The following CPNE4 variants were observed in gnomAD, a reference collection of about 807,000 sequenced individuals.
CPNE4 encodes the protein copine 4, also known as copine-4.
A neutral mutation model predicts 67.9 loss-of-function variants in CPNE4; 25 were observed. The ratio of observed to expected loss-of-function variants is 0.37; its 90% CI spans 0.27 to 0.51. The LOEUF (loss-of-function observed/expected upper bound fraction) is 0.51, where lower values mean the gene tolerates loss of function less well. Ranked by LOEUF, CPNE4 falls within the 20% of genes least tolerant of loss-of-function variation. The pLI is 0.93. For missense variants in CPNE4, 464 were observed against 690.8 expected (o/e 0.67, Z 3.68); for synonymous variants, 242 against 244.9 (o/e 0.99, Z 0.11).
chr3:132,001,484 A>G (rs2073430130), intron 1 of CPNE4, among the ~76,000 whole-genome samples: 1 of 151,398 alleles, frequency 6.6e-6, no homozygotes, highest in African/African-American at 2.4e-5. Flanking sequence ...GCTGTTATGG[A>G]CTGTAAGAAA....
At chr3:131,893,040 T>G (rs59430218) in intron 2 of CPNE4, among the ~76,000 whole-genome samples, 1 of 151,934 alleles carries the variant, frequency 6.6e-6, no homozygotes, top group Non-Finnish European at 1.5e-5. Flanking sequence ...AGTGGCTGAA[T>G]AGGTTAAAAG....
chr3:131,792,708 C>CGTGTATATATACATATACACACGT (rs2083792714), intron 2 of CPNE4, among the ~76,000 whole-genome samples: 1 of 67,224 alleles, frequency 1.5e-5, no homozygotes, highest in African/African-American at 5.9e-5. Flanking sequence ...TATACACACA[C>CGTGTATATATACATATACACACGT]GTGTATATAT....
At chr3:131,550,208 AG>A (rs1468626888) in intron 13 of CPNE4, 128 bp from the exon 14 acceptor site, 1 of 943,620 alleles carries the variant, frequency 1.1e-6, no homozygotes, top group African/African-American at 1.6e-5. Flanking sequence ...TATGTTCTTA[AG>A]ATAAAAAGGA....
intron 7 of CPNE4, among the ~76,000 whole-genome samples, chr3:131,596,797 T>C (rs77731239): frequency 0.021 from 3,192 of 152,238 alleles, 76 homozygotes; most frequent in East Asian, 0.13. Flanking sequence ...ATTTCCAGTC[T>C]GCCCTTCCTG....
intron 3 of CPNE4, among the ~76,000 whole-genome samples, chr3:131,717,871 T>TCCATCCC (rs370808961): frequency 1.1e-5 from 1 of 87,120 alleles, no homozygotes; most frequent in South Asian, 4.3e-4. Context: ...CTTTCTTTCT[T>TCCATCCC]TCTTTTCTTT....
chr3:131,705,886 G>T (rs1254316437), intron 3 of CPNE4, among the ~76,000 whole-genome samples: 2 of 152,094 alleles, frequency 1.3e-5, no homozygotes, highest in East Asian at 3.9e-4. Context: ...CATCTCTTGG[G>T]TAATGCCTTG....
At chr3:131,947,251 G>A (rs2071579631) in intron 1 of CPNE4, among the ~76,000 whole-genome samples, 1 of 152,082 alleles carries the variant, frequency 6.6e-6, no homozygotes. Context: ...TAAGTTCTGG[G>A]AAACATGTGC....
intron 3 of CPNE4, among the ~76,000 whole-genome samples, chr3:131,721,956 G>A (rs192978445): frequency 6.6e-6 from 1 of 152,260 alleles, no homozygotes; most frequent in Non-Finnish European, 1.5e-5. Flanking sequence ...TATGTTAATG[G>A]AGAATATTTC....
chr3:131,737,186 C>T (rs894835788), intron 2 of CPNE4, among the ~76,000 whole-genome samples: 3 of 135,230 alleles, frequency 2.2e-5, no homozygotes, highest in Non-Finnish European at 3.1e-5. Flanking sequence ...TGCAGTGGCA[C>T]GATCTCAGCT....
chr3:131,806,314 C>T (rs929335128), intron 2 of CPNE4, among the ~76,000 whole-genome samples: 1 of 151,984 alleles, frequency 6.6e-6, no homozygotes, highest in African/African-American at 2.4e-5. Flanking sequence ...ACTTTGGGAG[C>T]CCGAGGCGGG....
intron 2 of CPNE4, among the ~76,000 whole-genome samples, chr3:131,851,071 G>T (rs368422309): frequency 1.5e-4 from 22 of 149,814 alleles, no homozygotes; most frequent in African/African-American, 5.2e-4. Context: ...ATGAGGGAAT[G>T]TACTGAAAAA....
chr3:131,556,874 T>G (rs1309205056), intron 11 of CPNE4, among the ~76,000 whole-genome samples: 1 of 152,088 alleles, frequency 6.6e-6, no homozygotes, highest in Non-Finnish European at 1.5e-5. Context: ...ATGCATACAA[T>G]GTACCAGCCC....
chr3:131,960,997 A>G (rs939089980), intron 1 of CPNE4, among the ~76,000 whole-genome samples: 14 of 152,186 alleles, frequency 9.2e-5, no homozygotes, highest in African/African-American at 3.4e-4. Flanking sequence ...TCCTATAACA[A>G]TGGTACAAAC....
chr3:131,829,637 TA>T (rs2085295631), intron 2 of CPNE4, among the ~76,000 whole-genome samples: 1 of 152,100 alleles, frequency 6.6e-6, no homozygotes, highest in African/African-American at 2.4e-5. Flanking sequence ...TATGATTACT[TA>T]AAAAAACAAC....
At chr3:131,899,566 G>C (rs929584098) in intron 2 of CPNE4, among the ~76,000 whole-genome samples, 1 of 152,090 alleles carries the variant, frequency 6.6e-6, no homozygotes, top group South Asian at 2.1e-4. Context: ...CAGCTTTACT[G>C]TTTACTAATT....
At chr3:131,717,869 C>CTTTCTTTTCT (rs1553758847) in intron 3 of CPNE4, among the ~76,000 whole-genome samples, 2 of 45,134 alleles carry the variant, frequency 4.4e-5, no homozygotes, top group Non-Finnish European at 1.2e-4. Context: ...TCCTTTCTTT[C>CTTTCTTTTCT]TTTCTTTTCT....
intron 1 of CPNE4, among the ~76,000 whole-genome samples, chr3:131,979,260 A>G (rs557256501): frequency 1.1e-4 from 17 of 152,218 alleles, no homozygotes; most frequent in African/African-American, 3.9e-4. Context: ...TCTTGATGAC[A>G]TGTCTAATGC....
intron 1 of CPNE4, among the ~76,000 whole-genome samples, chr3:131,954,672 T>C (rs149943414): frequency 0.032 from 4,794 of 152,112 alleles, 231 homozygotes; most frequent in African/African-American, 0.11. Flanking sequence ...ACAGGCCCAG[T>C]GTGTGATGTT....
rs549398628 is a variant in CPNE4, at chr3:131,696,230, T to G, written c.507+312A>C. ...CAATAAATGTCATTTTTCTTCCCTT[T>G]CATATCTTCTCCTCTCCCTTAGAAT... On this transcript the variant is annotated intron_variant, in intron 5 of 15. Transcript: ENST00000429747. 3.3e-5 allele frequency among the ~76,000 whole-genome samples: 5 copies of G among 152,342 alleles called. 1 individual carries two copies. The South Asian group carries it at 1.0e-3, about 32-fold the overall frequency.
Sources: allele counts gnomAD v4.1 joint callset (sites outside exome capture counted in the v4.1 genomes callset), GRCh38; gene constraint gnomAD v4.1.1; transcripts MANE v1.5; gene names NCBI Gene and HGNC (gene_info 2026-07-23, HGNC 2026-07-21).